APAF1: variants seen among roughly 807,000 people sequenced by gnomAD.
The protein encoded by APAF1 is apoptotic protease-activating factor 1.
Under a neutral mutation model 152.4 loss-of-function variants are expected in APAF1, and 91 were observed. That is an observed-to-expected ratio of 0.60 (90% CI 0.50 to 0.71). The LOEUF (loss-of-function observed/expected upper bound fraction) is 0.71, where lower values mean the gene tolerates loss of function less well. Among genes scored for constraint, APAF1 ranks in the 30% least tolerant of loss-of-function variants. The pLI, the probability that APAF1 is intolerant of heterozygous loss-of-function variation, is 0.00. For synonymous variants in APAF1, 484 were observed against 494.1 expected, an observed-to-expected ratio of 0.98 and a Z score of 0.27; for missense variants, 1,283 against 1,472.0, an observed-to-expected ratio of 0.87 and a Z score of 2.10.
intron 4 of APAF1, among the ~76,000 whole-genome samples, chr12:98,653,678 AAAAAAAAAAAAAAATATATAT>A (rs2097651955): frequency 6.0e-5 from 4 of 67,066 alleles, no homozygotes; most frequent in African/African-American, 1.0e-4. Context: ...AAAAAAAAAA[AAAAAAAAAAAAAAATATATAT>A]ATATATATAT....
intron 22 of APAF1, among the ~76,000 whole-genome samples, chr12:98,720,353 T>C (rs960960415): frequency 7.2e-5 from 11 of 152,252 alleles, no homozygotes; most frequent in African/African-American, 2.7e-4. Context: ...AACAAAACTC[T>C]ATAGATATTT....
chr12:98,679,602 C>T (rs1056073390), intron 13 of APAF1, among the ~76,000 whole-genome samples: 2 of 152,242 alleles, frequency 1.3e-5, no homozygotes, highest in African/African-American at 4.8e-5. Flanking sequence ...TAAAGAAAAG[C>T]TGCGGCCCTT....
In APAF1 at chr12:98,734,957, G is replaced by T; in HGVS notation, c.*2391G>T. On this transcript the variant is annotated 3_prime_UTR_variant, in exon 27 of 27. Transcript: ENST00000551964. ...CCTTGAATGGCCCTTGTCTTAAAAA[G>T]AAATTAGGAGCCAGGTGCGGTGGCA... is the stretch of plus-strand genomic sequence containing the variant. 1 of 373,078 alleles carries T rather than the reference G, an allele frequency of 2.7e-6. No individual in the cohort carries two copies. The allele number at this position is 373,078 out of a possible 1,614,324, so 23.1% of individuals were successfully genotyped here. A position where few individuals can be genotyped will look rare whatever the true frequency, so the allele number is the denominator to read the frequency against.
At chr12:98,703,183 T>C (rs2097717514) in intron 17 of APAF1, among the ~76,000 whole-genome samples, 188 bp from the exon 18 acceptor site, 1 of 152,230 alleles carries the variant, frequency 6.6e-6, no homozygotes, top group Non-Finnish European at 1.5e-5. Flanking sequence ...AAATATGTTT[T>C]AAGATGAGCA....
intron 26 of APAF1, 54 bp downstream of exon 26, chr12:98,727,370 C>G (rs2097752087): frequency 1.3e-6 from 2 of 1,595,542 alleles, no homozygotes; most frequent in Non-Finnish European, 1.7e-6. Context: ...TCATACTTTC[C>G]AAGCTATTTT....
At chr12:98,730,843 C>T (rs182817905) in intron 26 of APAF1, among the ~76,000 whole-genome samples, 156 of 152,292 alleles carry the variant, frequency 1.0e-3, no homozygotes, top group African/African-American at 3.6e-3. Flanking sequence ...TATCCAGAAG[C>T]TTAAAAAGTT....
At chr12:98,711,610 G>T (rs1343294395) in intron 20 of APAF1, among the ~76,000 whole-genome samples, 1 of 152,136 alleles carries the variant, frequency 6.6e-6, no homozygotes, top group Admixed American at 6.5e-5. Context: ...AAGAATTTTA[G>T]TTTATGACAC....
chr12:98,658,219 G>T (rs1000197856), intron 4 of APAF1, among the ~76,000 whole-genome samples: 18 of 151,990 alleles, frequency 1.2e-4, no homozygotes, highest in Non-Finnish European at 2.5e-4. Context: ...ATTAAGTATA[G>T]TCTATGAAGA....
At chr12:98,661,390 A>AT (rs1366113645) in intron 5 of APAF1, among the ~76,000 whole-genome samples, 1 of 152,144 alleles carries the variant, frequency 6.6e-6, no homozygotes, top group Non-Finnish European at 1.5e-5. Context: ...AGCCAGGCAT[A>AT]TTTTTTTAAT....
chr12:98,731,685 G>T (rs1351797050), intron 26 of APAF1, among the ~76,000 whole-genome samples: 1 of 152,226 alleles, frequency 6.6e-6, no homozygotes, highest in East Asian at 1.9e-4. Flanking sequence ...GGATCATGGT[G>T]AGCTTGAGGC....
intron 14 of APAF1, among the ~76,000 whole-genome samples, chr12:98,682,462 G>C (rs139629204): frequency 1.8e-3 from 271 of 152,274 alleles, no homozygotes; most frequent in African/African-American, 6.2e-3. Flanking sequence ...GTTAAGTGTC[G>C]ATCCCGTTTA....
intron 4 of APAF1, among the ~76,000 whole-genome samples, chr12:98,653,843 C>T (rs1415447159): frequency 6.6e-6 from 1 of 150,520 alleles, no homozygotes; most frequent in African/African-American, 2.4e-5. Context: ...TCTTTAAATA[C>T]AGTAGTGACA....
chr12:98,653,698 A>ATC (rs1302683688), intron 4 of APAF1, among the ~76,000 whole-genome samples: 7 of 94,520 alleles, frequency 7.4e-5, no homozygotes, highest in African/African-American at 3.2e-4. Flanking sequence ...AAAAATATAT[A>ATC]TATATATATA....
At chr12:98,732,384 A>G (rs368137126) in intron 26 of APAF1, 36 bp from the exon 27 acceptor site, 3 of 1,595,498 alleles carry the variant, frequency 1.9e-6, no homozygotes, top group Non-Finnish European at 2.6e-6. Flanking sequence ...CAGTGTAATT[A>G]CCAATCTAAT....
chr12:98,648,774 C>T lies in APAF1; in HGVS notation c.287C>T (p.Ser96Phe), dbSNP rs150823984. ...CATGATGGCATTCCTGTTGTCTCTT[C>T]TTCCAGTGGTAAAGATTCAGTTAGT... ...LLHDGIPVVS[S>F]SSGKDSVSGI... Residue 96 changes from serine to phenylalanine, a missense_variant, in exon 3 of 27, where the codon TCT becomes TTT. By Grantham distance (155) the Ser-to-Phe change is radical. Transcript: ENST00000551964. The T allele has an allele frequency of 3.8e-5, 62 of 1,613,912 alleles. No homozygotes were observed. Among genetic ancestry groups the T allele is most frequent in the Non-Finnish European group, 5.2e-5 (61 of 1,179,994 alleles).
At chr12:98,659,112 A>C (rs1412716241) in intron 4 of APAF1, 48 bp from the exon 5 acceptor site, 1 of 1,540,290 alleles carries the variant, frequency 6.5e-7, no homozygotes, top group East Asian at 2.2e-5. Flanking sequence ...CATTTAAAGG[A>C]GTACTCCTGT....
chr12:98,706,451 A>G, intron 18 of APAF1, 34 bp from the exon 19 acceptor site: 1 of 1,613,202 alleles, frequency 6.2e-7, no homozygotes, highest in Admixed American at 1.7e-5. Flanking sequence ...ATGCTTATGT[A>G]TGTGATTTCC....
At chr12:98,718,079 C>T (rs1565892206) in intron 22 of APAF1, among the ~76,000 whole-genome samples, 1 of 152,102 alleles carries the variant, frequency 6.6e-6, no homozygotes, top group Admixed American at 6.5e-5. Context: ...CCCTTGATCC[C>T]TCATTCTCAG....
intron 26 of APAF1, among the ~76,000 whole-genome samples, chr12:98,729,270 G>C (rs1319708853): frequency 6.6e-6 from 1 of 152,208 alleles, no homozygotes. Flanking sequence ...CTAGGGACTG[G>C]TTTCCTTGGA....
Sources: allele counts gnomAD v4.1 joint callset (sites outside exome capture counted in the v4.1 genomes callset), GRCh38; gene constraint gnomAD v4.1.1; transcripts MANE v1.5; gene names NCBI Gene and HGNC (gene_info 2026-07-23, HGNC 2026-07-21).